Variants in ADAMTSL3 observed in about 807,000 individuals in gnomAD.
The protein encoded by ADAMTSL3 is ADAMTS-like protein 3.
Under a neutral mutation model 201.7 loss-of-function variants are expected in ADAMTSL3, and 128 were observed. The ratio of observed to expected loss-of-function variants is 0.63; its 90% confidence interval spans 0.55 to 0.73. ADAMTSL3 has a LOEUF of 0.73. Ranked by LOEUF, ADAMTSL3 falls within the 30% of genes least tolerant of loss-of-function variation. ADAMTSL3 has a pLI of 0.00. For synonymous variants in ADAMTSL3, 738 were observed against 748.4 expected (o/e 0.99, Z 0.23); for missense variants, 1,990 against 2,119.6 (o/e 0.94, Z 1.20).
chr15:83,976,725 G>A (rs74026633), intron 20 of ADAMTSL3, among the ~76,000 whole-genome samples: 7,727 of 152,054 alleles, frequency 0.051, 675 homozygotes, highest in African/African-American at 0.18. Flanking sequence ...GACAGGAGGC[G>A]GAGTTCAGGC....
intron 4 of ADAMTSL3, among the ~76,000 whole-genome samples, chr15:83,790,365 T>C (rs2063326224): frequency 6.6e-6 from 1 of 150,956 alleles, no homozygotes; most frequent in South Asian, 2.1e-4. Flanking sequence ...AAGAAAGATA[T>C]AAAAGGAATT....
At position 83,723,542 on chromosome 15, in the gene ADAMTSL3, C is replaced by G. The variant is rs149421685; in HGVS notation, c.189+19034C>G. Among the ~76,000 whole-genome samples, 6 of 152,186 alleles carry G rather than the reference C, an allele frequency of 3.9e-5. No homozygotes were observed. The East Asian group carries it at 9.7e-4, about 24-fold the overall frequency. On this transcript the variant is annotated intron_variant, in intron 3 of 29. Transcript: ENST00000286744. ...ATAATACTTGACAACCAGAAACAAT[C>G]TAAATGTTAAACCGTAGGGGAATGG... is the stretch of plus-strand genomic sequence containing the variant.
At chr15:83,685,870 T>C (rs917396541) in intron 2 of ADAMTSL3, among the ~76,000 whole-genome samples, 2 of 152,206 alleles carry the variant, frequency 1.3e-5, no homozygotes, top group Admixed American at 1.3e-4. Flanking sequence ...TCTTTCTCTT[T>C]TATCTTCCCT....
At chr15:83,895,122 G>A (rs1030579943) in intron 13 of ADAMTSL3, among the ~76,000 whole-genome samples, 5 of 152,184 alleles carry the variant, frequency 3.3e-5, no homozygotes, top group African/African-American at 1.2e-4. Flanking sequence ...TTTTAGCAAG[G>A]TCGGTTTGTT....
intron 15 of ADAMTSL3, among the ~76,000 whole-genome samples, chr15:83,911,275 C>A (rs1596393489): frequency 6.6e-6 from 1 of 152,118 alleles, no homozygotes; most frequent in East Asian, 1.9e-4. Context: ...ACTACGATCT[C>A]TTTTTTCTAA....
intron 6 of ADAMTSL3, among the ~76,000 whole-genome samples, chr15:83,826,101 G>C (rs1018293283): frequency 1.3e-5 from 2 of 152,058 alleles, no homozygotes; most frequent in African/African-American, 4.8e-5. Flanking sequence ...AAATTCTAAA[G>C]ATTAAGGATG....
rs534605009 is a variant in ADAMTSL3 at position 83,875,283 on chromosome 15, A to C, written c.960+4324A>C. On this transcript the variant is annotated intron_variant, in intron 9 of 29. Transcript: ENST00000286744. ...AAGCTGGAGAGGAAACCCTGAGCCA[A>C]TGTCATTCATCATAGGACTCCAGTG... Among the ~76,000 whole-genome samples the C allele has an allele frequency of 2.6e-3, 402 of 152,316 alleles. 1 individual carries two copies. Among genetic ancestry groups the C allele is most frequent in the African/African-American group, 9.4e-3 (391 of 41,574 alleles).
At chr15:83,706,650 T>C (rs1175936341) in intron 3 of ADAMTSL3, among the ~76,000 whole-genome samples, 1 of 151,194 alleles carries the variant, frequency 6.6e-6, no homozygotes, top group African/African-American at 2.4e-5. Context: ...TTTTCTTTTC[T>C]TTTTTTTTGA....
intron 3 of ADAMTSL3, among the ~76,000 whole-genome samples, chr15:83,751,454 G>A (rs1273926189): frequency 6.6e-6 from 1 of 152,132 alleles, no homozygotes; most frequent in Non-Finnish European, 1.5e-5. Context: ...GCTGCTCTGG[G>A]TCAATAATAT....
At chr15:83,794,014 A>G (rs918223430) in intron 4 of ADAMTSL3, among the ~76,000 whole-genome samples, 1 of 152,222 alleles carries the variant, frequency 6.6e-6, no homozygotes, top group African/African-American at 2.4e-5. Flanking sequence ...ACGAATGGAT[A>G]TTTTACCCAA....
chr15:83,779,274 T>A (rs1567139187), intron 4 of ADAMTSL3, among the ~76,000 whole-genome samples: 1 of 152,176 alleles, frequency 6.6e-6, no homozygotes, highest in Non-Finnish European at 1.5e-5. Context: ...CTGATAGACA[T>A]CTACAGAACT....
intron 17 of ADAMTSL3, among the ~76,000 whole-genome samples, chr15:83,924,733 T>C (rs1056153934): frequency 3.9e-5 from 6 of 152,178 alleles, no homozygotes; most frequent in Admixed American, 1.3e-4. Flanking sequence ...CTGAACATCA[T>C]TGGTTTCTCA....
intron 15 of ADAMTSL3, among the ~76,000 whole-genome samples, chr15:83,903,949 A>AGGG (rs1567226151): frequency 2.6e-5 from 1 of 38,602 alleles, no homozygotes; most frequent in African/African-American, 1.7e-4. Flanking sequence ...AAAAAAGAAA[A>AGGG]AAGAAAGAAA....
intron 23 of ADAMTSL3, among the ~76,000 whole-genome samples, chr15:84,001,168 G>A (rs112956767): frequency 3.3e-5 from 5 of 152,302 alleles, no homozygotes; most frequent in African/African-American, 1.2e-4. Flanking sequence ...TTATCCAGGA[G>A]TCAGCAGACA....
intron 3 of ADAMTSL3, among the ~76,000 whole-genome samples, chr15:83,758,002 G>A (rs2062748386): frequency 6.6e-6 from 1 of 152,104 alleles, no homozygotes; most frequent in African/African-American, 2.4e-5. Flanking sequence ...CGGCATTTTG[G>A]TCAAAGCCAT....
At chr15:83,970,031 C>T (rs1427846984) in intron 19 of ADAMTSL3, among the ~76,000 whole-genome samples, 6 of 152,128 alleles carry the variant, frequency 3.9e-5, no homozygotes, top group African/African-American at 1.4e-4. Context: ...TCACATTGTA[C>T]ACATTAGACA....
intron 2 of ADAMTSL3, among the ~76,000 whole-genome samples, chr15:83,687,674 CA>C (rs2061556492): frequency 6.6e-6 from 1 of 152,076 alleles, no homozygotes; most frequent in Admixed American, 6.6e-5. Context: ...CATATGATTT[CA>C]AAATATCCTT....
chr15:83,921,808 C>T (rs933236385), intron 16 of ADAMTSL3, among the ~76,000 whole-genome samples: 9 of 152,114 alleles, frequency 5.9e-5, no homozygotes, highest in Non-Finnish European at 1.3e-4. Flanking sequence ...CCCCAGCCCC[C>T]CGAGTAGCTG....
intron 7 of ADAMTSL3, among the ~76,000 whole-genome samples, chr15:83,857,782 T>C (rs2064770970): frequency 1.3e-5 from 2 of 152,244 alleles, no homozygotes; most frequent in Non-Finnish European, 2.9e-5. Context: ...TTTGCTTCAC[T>C]AATTTCACTC....
Sources: allele counts gnomAD v4.1 joint callset (sites outside exome capture counted in the v4.1 genomes callset), GRCh38; gene constraint gnomAD v4.1.1; transcripts MANE v1.5; gene names NCBI Gene and HGNC (gene_info 2026-07-23, HGNC 2026-07-21).